Variants in PCBP3 observed in about 807,000 individuals in gnomAD.
The protein encoded by PCBP3 is poly(rC)-binding protein 3.
In PCBP3, 25 loss-of-function variants were observed where a neutral mutation model predicts 52.7. That is an observed-to-expected ratio of 0.47 (90% CI 0.35 to 0.66). The LOEUF (loss-of-function observed/expected upper bound fraction) is 0.66, where lower values mean the gene tolerates loss of function less well. Ranked by LOEUF, PCBP3 falls within the 30% of genes least tolerant of loss-of-function variation. PCBP3 has a pLI of 0.01. For missense variants in PCBP3, 391 were observed against 490.3 expected (o/e 0.80, Z 1.91); for synonymous variants, 162 against 183.0 (o/e 0.89, Z 0.93).
At chr21:45,835,091 C>T (rs760766046) in intron 4 of PCBP3, among the ~76,000 whole-genome samples, 5 of 152,204 alleles carry the variant, frequency 3.3e-5, no homozygotes, top group Non-Finnish European at 7.4e-5. Flanking sequence ...GCCACAGGTT[C>T]CTGTGGGTTC....
intron 15 of PCBP3, among the ~76,000 whole-genome samples, chr21:45,932,362 C>T: frequency 6.6e-6 from 1 of 152,008 alleles, no homozygotes; most frequent in Admixed American, 6.5e-5. Flanking sequence ...TGAGTGAACA[C>T]CTGGTCCATG....
chr21:45,754,558 A>T (rs952914457), intron 3 of PCBP3, among the ~76,000 whole-genome samples: 6 of 152,214 alleles, frequency 3.9e-5, no homozygotes, highest in Admixed American at 3.9e-4. Flanking sequence ...AACAGCTAGA[A>T]AATATTCGTG....
Position 45,688,439 on chromosome 21 carries a change from T to C in PCBP3, c.-200+19487T>C, listed in dbSNP as rs149894168. On this transcript the variant is annotated intron_variant, in intron 2 of 17. Transcript: ENST00000681687. The stretch of plus-strand genomic sequence containing the variant: ...GTAAGTCTACAATTATTTCCAAATA[T>C]AAAAAGTTCAAAAATATGTGAGATA... 2.0e-5 allele frequency among the ~76,000 whole-genome samples: 3 copies of C among 152,252 alleles called. No homozygotes were observed. The East Asian group carries it at 5.8e-4, about 29-fold the overall frequency.
In PCBP3 at chr21:45,868,257, G is replaced by A. The variant is rs183802095; in HGVS notation, c.10+18162G>A. 4.9e-3 allele frequency among the ~76,000 whole-genome samples: 748 copies of A among 152,322 alleles called. 11 individuals are homozygous for A. Among genetic ancestry groups the A allele is most frequent in the African/African-American group, 0.017 (723 of 41,568 alleles). The stretch of plus-strand genomic sequence containing the variant: ...GACAGGGGCACCTCCCGGTGTGGGT[G>A]CCCAGGGTTGCAGGGTGGCTTCCTC... On this transcript the variant is annotated intron_variant, in intron 5 of 17. Coordinates refer to ENST00000681687, the MANE Select transcript of PCBP3 (RefSeq NM_001384156.1).
At chr21:45,818,279 C>T (rs554324369) in intron 4 of PCBP3, among the ~76,000 whole-genome samples, 2 of 152,256 alleles carry the variant, frequency 1.3e-5, no homozygotes, top group East Asian at 3.9e-4. Flanking sequence ...CCTCGGCCTC[C>T]TAAAGTGCTG....
chr21:45,684,257 T>C (rs1342101464), intron 2 of PCBP3, among the ~76,000 whole-genome samples: 4 of 151,816 alleles, frequency 2.6e-5, no homozygotes, highest in African/African-American at 7.3e-5. Context: ...AAAAAAGTAA[T>C]AAGGTCCTGT....
chr21:45,646,107 CTGTGTG>C (rs765931494), intron 1 of PCBP3, among the ~76,000 whole-genome samples: 162 of 83,760 alleles, frequency 1.9e-3, no homozygotes, highest in Middle Eastern at 6.3e-3. Flanking sequence ...CTCTCTCTCT[CTGTGTG>C]TGTGTGTGTG....
intron 16 of PCBP3, among the ~76,000 whole-genome samples, chr21:45,938,807 C>A (rs1319157126): frequency 1.3e-5 from 2 of 152,194 alleles, no homozygotes; most frequent in African/African-American, 4.8e-5. Flanking sequence ...TTGTAACCAG[C>A]AGAGATGGCC....
At chr21:45,645,391 TG>T (rs1221360990) in intron 1 of PCBP3, among the ~76,000 whole-genome samples, 2 of 152,166 alleles carry the variant, frequency 1.3e-5, no homozygotes, top group Non-Finnish European at 1.5e-5. Flanking sequence ...TCTTTATAAC[TG>T]AAAAAAATGG....
At chr21:45,870,527 A>C (rs946241739) in intron 5 of PCBP3, among the ~76,000 whole-genome samples, 1 of 151,970 alleles carries the variant, frequency 6.6e-6, no homozygotes, top group African/African-American at 2.4e-5. Flanking sequence ...CCATGGAGAC[A>C]CTCATGACCA....
intron 3 of PCBP3, among the ~76,000 whole-genome samples, chr21:45,738,280 A>C (rs1482790088): frequency 6.9e-6 from 1 of 144,348 alleles, no homozygotes; most frequent in Non-Finnish European, 1.5e-5. Flanking sequence ...TTTTTGAGAC[A>C]GTCTAGCTCT....
chr21:45,782,345 C>T (rs2090702074), intron 4 of PCBP3, among the ~76,000 whole-genome samples: 1 of 152,152 alleles, frequency 6.6e-6, no homozygotes, highest in Non-Finnish European at 1.5e-5. Context: ...CAAGTGGAAT[C>T]ATCTATAATA....
At chr21:45,937,334 C>T (rs2076990440) in intron 16 of PCBP3, among the ~76,000 whole-genome samples, 1 of 152,204 alleles carries the variant, frequency 6.6e-6, no homozygotes, top group South Asian at 2.1e-4. Context: ...GGGCCTCCCT[C>T]ACCACCTATT....
chr21:45,734,201 G>A (rs1447518384), intron 2 of PCBP3, among the ~76,000 whole-genome samples: 2 of 152,168 alleles, frequency 1.3e-5, no homozygotes, highest in African/African-American at 4.8e-5. Context: ...GCTCAGTGTG[G>A]TGTCCCCTGT....
intron 4 of PCBP3, among the ~76,000 whole-genome samples, chr21:45,759,014 G>A (rs1253120395): frequency 6.6e-6 from 1 of 152,026 alleles, no homozygotes; most frequent in African/African-American, 2.4e-5. Context: ...TTTGATTGTT[G>A]AGCGAAGGTT....
At chr21:45,739,119 GC>G (rs1346243477) in intron 3 of PCBP3, among the ~76,000 whole-genome samples, 5 of 126,662 alleles carry the variant, frequency 3.9e-5, no homozygotes, top group Admixed American at 8.1e-5. Context: ...CCTCTGGGTG[GC>G]CCCCCCATCT....
At chr21:45,773,807 TC>T (rs1230618978) in intron 4 of PCBP3, among the ~76,000 whole-genome samples, 2 of 152,200 alleles carry the variant, frequency 1.3e-5, no homozygotes, top group African/African-American at 4.8e-5. Flanking sequence ...TTGCATTGAA[TC>T]TGTAGATTGC....
chr21:45,734,889 G>A (rs1880149046), intron 2 of PCBP3, among the ~76,000 whole-genome samples: 1 of 152,200 alleles, frequency 6.6e-6, no homozygotes, highest in Admixed American at 6.5e-5. Flanking sequence ...GACAGAGGCC[G>A]GCTGTCTGTC....
chr21:45,668,313 C>G (rs1246507508), intron 1 of PCBP3, among the ~76,000 whole-genome samples: 1 of 152,092 alleles, frequency 6.6e-6, no homozygotes, highest in Non-Finnish European at 1.5e-5. Flanking sequence ...CAACTGTTGT[C>G]CACTGTCTCA....
Sources: gnomAD v4.1 joint callset for allele counts (sites outside exome capture counted in the v4.1 genomes callset) on GRCh38, gnomAD v4.1.1 for gene constraint, MANE v1.5 for transcripts, NCBI Gene and HGNC (gene_info 2026-07-23, HGNC 2026-07-21) for gene names.